The following FAM47E variants were observed in gnomAD, a reference collection of about 807,000 sequenced individuals.
FAM47E encodes protein FAM47E.
In FAM47E, 32 loss-of-function variants were observed where a neutral mutation model predicts 41.6. The ratio of observed to expected loss-of-function variants is 0.77; its 90% CI spans 0.58 to 1.03. The LOEUF (loss-of-function observed/expected upper bound fraction) is 1.03. FAM47E is among the 50% of genes least tolerant of loss of function. The pLI, the probability that FAM47E is intolerant of heterozygous loss-of-function variation, is 0.00. For synonymous variants in FAM47E, 184 were observed against 188.7 expected, an observed-to-expected ratio of 0.98 and a Z score of 0.20; for missense variants, 424 against 485.4, an observed-to-expected ratio of 0.87 and a Z score of 1.19.
At chr4:76,225,154 A>AAT (rs768459903) in intron 2 of FAM47E, among the ~76,000 whole-genome samples, 96 of 152,220 alleles carry the variant, frequency 6.3e-4, no homozygotes, top group Admixed American at 2.9e-3. Flanking sequence ...TTCCATAGTA[A>AAT]ATATATATAC....
intron 5 of FAM47E, among the ~76,000 whole-genome samples, chr4:76,277,029 T>G (rs188622577): frequency 6.6e-6 from 1 of 152,262 alleles, no homozygotes; most frequent in Admixed American, 6.5e-5. Flanking sequence ...CACCCAAGAG[T>G]TAGACTCCCT....
chr4:76,224,051 C>A (rs1050439310), intron 2 of FAM47E, among the ~76,000 whole-genome samples: 1 of 152,126 alleles, frequency 6.6e-6, no homozygotes, highest in Non-Finnish European at 1.5e-5. Flanking sequence ...AAGGGAAAGA[C>A]AATTTATTAT....
chr4:76,264,110 A>G (rs1210273448), intron 3 of FAM47E, among the ~76,000 whole-genome samples: 2 of 152,202 alleles, frequency 1.3e-5, no homozygotes, highest in Non-Finnish European at 2.9e-5. Flanking sequence ...GGGTAGAAAC[A>G]GTGAAGGTTA....
At chr4:76,280,498 G>A (rs1735300604) in intron 7 of FAM47E, 157 bp downstream of exon 7, 5 of 531,440 alleles carry the variant, frequency 9.4e-6, no homozygotes, top group East Asian at 6.1e-5. Context: ...CTCCCCAGAC[G>A]GGGACTCAGA....
intron 2 of FAM47E, among the ~76,000 whole-genome samples, chr4:76,243,081 T>C (rs1000019861): frequency 6.6e-6 from 1 of 152,226 alleles, no homozygotes; most frequent in Non-Finnish European, 1.5e-5. Context: ...CCCTATTTTC[T>C]GCCATGTAAG....
chr4:76,245,353 C>T (rs1323638362), intron 2 of FAM47E, among the ~76,000 whole-genome samples: 1 of 152,074 alleles, frequency 6.6e-6, no homozygotes, highest in Non-Finnish European at 1.5e-5. Flanking sequence ...AATAGGAAAC[C>T]CCTACCACAC....
chr4:76,235,488 TC>T (rs2109988323), intron 2 of FAM47E, among the ~76,000 whole-genome samples: 1 of 152,222 alleles, frequency 6.6e-6, no homozygotes, highest in East Asian at 1.9e-4. Context: ...ATATTTTACC[TC>T]CTTTACAACT....
intron 2 of FAM47E, among the ~76,000 whole-genome samples, chr4:76,244,703 G>A (rs971738683): frequency 2.0e-5 from 3 of 151,974 alleles, no homozygotes; most frequent in Non-Finnish European, 4.4e-5. Flanking sequence ...ACTGTGCCCA[G>A]CTAATTTTTG....
At chr4:76,276,396 A>C (rs1022443952) in intron 5 of FAM47E, among the ~76,000 whole-genome samples, 1 of 79,196 alleles carries the variant, frequency 1.3e-5, no homozygotes, top group East Asian at 2.4e-4. Context: ...TTGGGGAGAC[A>C]GCGTCTCACT....
At chr4:76,216,641 T>A (rs918170134) in intron 1 of FAM47E, among the ~76,000 whole-genome samples, 6 of 152,232 alleles carry the variant, frequency 3.9e-5, no homozygotes, top group African/African-American at 1.4e-4. Context: ...AACAAGGGTT[T>A]ACAGCTCAAG....
At chr4:76,272,378 C>T (rs1275186399) in intron 5 of FAM47E, among the ~76,000 whole-genome samples, 3 of 152,182 alleles carry the variant, frequency 2.0e-5, no homozygotes, top group Non-Finnish European at 4.4e-5. Flanking sequence ...TGTGAGTCAA[C>T]AACAGATTTA....
chr4:76,216,707 C>T (rs760482624), intron 1 of FAM47E, among the ~76,000 whole-genome samples: 1 of 152,162 alleles, frequency 6.6e-6, no homozygotes, highest in Non-Finnish European at 1.5e-5. Context: ...CTATGTCAGG[C>T]GGTTAGTAAG....
At chr4:76,256,548 A>AG in intron 2 of FAM47E, 25 bp downstream of exon 2, 2 of 1,513,416 alleles carry the variant, frequency 1.3e-6, no homozygotes, top group Non-Finnish European at 1.8e-6. Flanking sequence ...GGTTTGTGGG[A>AG]GGGGCTTCAC....
Position 76,263,785 on chromosome 4 carries a change from G to A in FAM47E, c.502G>A (p.Gly168Arg). ...TWAYCQDTRK[G>R]MKEPTKLLKK... ...GGCTTATTGTCAGGACACCAGGAAAGGAATGAAGGAACCCACGAAGCTTTT... is the reference window on the plus strand; with the variant it reads ...GGCTTATTGTCAGGACACCAGGAAAAGAATGAAGGAACCCACGAAGCTTTT... The change falls in exon 3 of 8, where the codon GGA becomes AGA. Residue 168 changes from glycine (G) to arginine (R), a missense_variant. Transcript: ENST00000424749. 6.4e-7 allele frequency: 1 copy of A among 1,551,544 alleles called. No homozygotes were observed. Among genetic ancestry groups the A allele is most frequent in the African/African-American group, 1.4e-5 (1 of 73,122 alleles).
chr4:76,267,344 G>A (rs1326166778), intron 3 of FAM47E, among the ~76,000 whole-genome samples: 1 of 152,208 alleles, frequency 6.6e-6, no homozygotes, highest in African/African-American at 2.4e-5. Context: ...AGGAAATGGT[G>A]ACAGCATTGC....
intron 2 of FAM47E, among the ~76,000 whole-genome samples, chr4:76,218,799 CAGG>C (rs1286848609): frequency 6.6e-6 from 1 of 152,010 alleles, no homozygotes; most frequent in African/African-American, 2.4e-5. Context: ...GGCGAGGAGT[CAGG>C]AGATCAAAGA....
chr4:76,251,724 G>A lies in FAM47E; in HGVS notation c.-23G>A, dbSNP rs2109999669. ...CACACACACCGCCCAAGCCCGGACG[G>A]TGGCCGCGAAGCTAGGGCCACCATG... On this transcript the variant is annotated 5_prime_UTR_variant, in exon 1 of 8. The change creates a new upstream start codon in the 5' untranslated region. Transcript: ENST00000424749. 2 of 1,469,432 alleles carry A rather than the reference G, an allele frequency of 1.4e-6. No individual in the cohort carries two copies. Among genetic ancestry groups the A allele is most frequent in the East Asian group, 2.8e-5 (1 of 35,602 alleles). The allele number at this position is 1,469,432 out of a possible 1,614,324, so 91.0% of individuals were successfully genotyped here.
chr4:76,255,307 A>G (rs980870375), intron 1 of FAM47E, among the ~76,000 whole-genome samples: 3 of 152,202 alleles, frequency 2.0e-5, no homozygotes, highest in African/African-American at 7.2e-5. Flanking sequence ...GTAAATGGGA[A>G]TAATACTCGT....
chr4:76,222,418 G>C (rs1249247063), intron 2 of FAM47E, among the ~76,000 whole-genome samples: 1 of 152,040 alleles, frequency 6.6e-6, no homozygotes, highest in Non-Finnish European at 1.5e-5. Context: ...AGTACAGACG[G>C]GGTTTCACCA....
Sources: gnomAD v4.1 joint callset for allele counts (sites outside exome capture counted in the v4.1 genomes callset) on GRCh38, gnomAD v4.1.1 for gene constraint, MANE v1.5 for transcripts, NCBI Gene and HGNC (gene_info 2026-07-23, HGNC 2026-07-21) for gene names.